The following ARMC3 variants were observed in gnomAD, a reference collection of about 807,000 sequenced individuals.
ARMC3 encodes armadillo repeat containing 3.
A neutral mutation model predicts 90.3 loss-of-function variants in ARMC3; 74 were observed. The ratio of observed to expected loss-of-function variants is 0.82; its 90% CI spans 0.68 to 0.99. The LOEUF (loss-of-function observed/expected upper bound fraction) is 0.99. Among genes scored for constraint, ARMC3 ranks in the 50% least tolerant of loss-of-function variants. The pLI, the probability that ARMC3 is intolerant of heterozygous loss-of-function variation, is 0.00. For synonymous variants in ARMC3, 334 were observed against 361.8 expected (o/e 0.92, Z 0.87); for missense variants, 958 against 1,042.8 (o/e 0.92, Z 1.12).
chr10:22,942,025 T>A (rs1834345085), intron 2 of ARMC3, among the ~76,000 whole-genome samples: 2 of 152,182 alleles, frequency 1.3e-5, no homozygotes, highest in Admixed American at 1.3e-4. Flanking sequence ...TGGTTTGGGT[T>A]TGAGAAGATT....
At chr10:22,935,933 C>T (rs1171136) in intron 2 of ARMC3, among the ~76,000 whole-genome samples, 60,980 of 151,994 alleles carry the variant, frequency 0.4, 15,938 homozygotes, top group African/African-American at 0.74. Context: ...TCTTTTCCTA[C>T]ACAATTAGCA....
intron 2 of ARMC3, among the ~76,000 whole-genome samples, chr10:22,932,952 G>A (rs139201566): frequency 2.6e-5 from 4 of 152,304 alleles, no homozygotes; most frequent in South Asian, 4.1e-4. Flanking sequence ...ACTCGTTCCC[G>A]TTGTTGTATG....
intron 16 of ARMC3, among the ~76,000 whole-genome samples, chr10:23,019,147 A>G (rs1838406512): frequency 6.6e-6 from 1 of 152,214 alleles, no homozygotes. Context: ...TAACGAAACG[A>G]TGATTGTCTC....
At position 23,037,401 on chromosome 10, in the gene ARMC3, C is replaced by T. The variant is rs768136961; in HGVS notation, c.2541C>T (p.Tyr847=). ...VIGGLPAPEM[Y]VIDLMFHPGG... ...GGGGCCTCCCCGCTCCTGAGATGTA[C>T]GTGATTGACCTCATGTTCCATCCAG... Residue 847 remains tyrosine (Y), a synonymous_variant, in exon 19 of 19, where the codon TAC becomes TAT. Coordinates refer to ENST00000298032, the MANE Select transcript of ARMC3 (RefSeq NM_173081.5). The T allele has an allele frequency of 1.9e-5, 30 of 1,613,868 alleles. No individual in the cohort carries two copies. Among genetic ancestry groups the T allele is most frequent in the African/African-American group, 4.0e-5 (3 of 74,900 alleles).
chr10:22,964,063 C>T (rs903913693), intron 7 of ARMC3, among the ~76,000 whole-genome samples: 1 of 151,184 alleles, frequency 6.6e-6, no homozygotes, highest in African/African-American at 2.4e-5. Context: ...ATAAATAGAT[C>T]TATCGAGGTC....
chr10:22,960,877 C>T (rs1435819440), intron 6 of ARMC3: 1 of 152,474 alleles, frequency 6.6e-6, no homozygotes, highest in Non-Finnish European at 1.5e-5. Context: ...CCATTGGTGG[C>T]ATCCCTTGGC....
At position 22,955,952 on chromosome 10, in the gene ARMC3, A is replaced by C; in HGVS notation, c.292+20A>C. On this transcript the variant is annotated intron_variant, in intron 4 of 18. Coordinates refer to ENST00000298032, the MANE Select transcript of ARMC3 (RefSeq NM_173081.5). ...CTAATAGTAAGTATCAACTTTTAAA[A>C]ATAATCAAATAATCCCATGTTAATG... The C allele has an allele frequency of 6.5e-7, 1 of 1,546,136 alleles. No homozygotes were observed. Among genetic ancestry groups the C allele is most frequent in the Non-Finnish European group, 8.9e-7 (1 of 1,126,976 alleles).
chr10:22,971,958 T>C (rs1274032041), intron 8 of ARMC3, among the ~76,000 whole-genome samples: 1 of 152,242 alleles, frequency 6.6e-6, no homozygotes, highest in African/African-American at 2.4e-5. Context: ...ACTTCAAGCA[T>C]CTTTATCGTG....
chr10:23,019,300 C>T (rs56311162), intron 16 of ARMC3, among the ~76,000 whole-genome samples: 22,402 of 152,164 alleles, frequency 0.15, 1,796 homozygotes, highest in African/African-American at 0.17. Context: ...GACATTCCAT[C>T]TATGGTGTTA....
chr10:22,975,765 G>A (rs562753891), intron 8 of ARMC3, among the ~76,000 whole-genome samples: 10 of 152,214 alleles, frequency 6.6e-5, no homozygotes, highest in African/African-American at 2.4e-4. Flanking sequence ...GATCTCCAGA[G>A]TCATGATTTT....
At chr10:22,948,703 A>G (rs142752591) in intron 3 of ARMC3, among the ~76,000 whole-genome samples, 1 of 152,066 alleles carries the variant, frequency 6.6e-6, no homozygotes, top group South Asian at 2.1e-4. Context: ...CAGATTTTTG[A>G]CTTTAGAGAG....
At chr10:23,011,619 C>A (rs374025427) in intron 16 of ARMC3, among the ~76,000 whole-genome samples, 1 of 152,192 alleles carries the variant, frequency 6.6e-6, no homozygotes, top group East Asian at 1.9e-4. Context: ...TCTCTCTTCC[C>A]CTCTCTCTTA....
At chr10:23,018,099 C>T (rs958589296) in intron 16 of ARMC3, among the ~76,000 whole-genome samples, 2 of 152,194 alleles carry the variant, frequency 1.3e-5, no homozygotes, top group African/African-American at 4.8e-5. Flanking sequence ...TGACAAAATT[C>T]TACTGGTAAA....
At chr10:22,999,653 T>C (rs1837187411) in intron 11 of ARMC3, among the ~76,000 whole-genome samples, 1 of 152,180 alleles carries the variant, frequency 6.6e-6, no homozygotes, top group South Asian at 2.1e-4. Flanking sequence ...ATGAGGAAAA[T>C]GAGGCTTAAA....
At chr10:22,948,744 C>T (rs1235561010) in intron 3 of ARMC3, among the ~76,000 whole-genome samples, 1 of 151,872 alleles carries the variant, frequency 6.6e-6, no homozygotes, top group East Asian at 1.9e-4. Flanking sequence ...AAAAGGTAAC[C>T]TGGTGGATTC....
chr10:22,968,258 G>A, intron 7 of ARMC3, 48 bp from the exon 8 acceptor site: 1 of 1,545,534 alleles, frequency 6.5e-7, no homozygotes, highest in Admixed American at 1.7e-5. Flanking sequence ...TTTGGGAAGT[G>A]TACATTTTAG....
At chr10:23,019,784 A>G (rs1838433941) in intron 16 of ARMC3, among the ~76,000 whole-genome samples, 2 of 151,878 alleles carry the variant, frequency 1.3e-5, no homozygotes, top group African/African-American at 4.8e-5. Context: ...AGCTCAAGCA[A>G]TTCGCCTGCC....
intron 2 of ARMC3, among the ~76,000 whole-genome samples, chr10:22,933,729 C>CA (rs1310747081): frequency 6.6e-6 from 1 of 151,982 alleles, no homozygotes; most frequent in Non-Finnish European, 1.5e-5. Flanking sequence ...ACTAAAAATA[C>CA]AAAAAATTAG....
chr10:22,969,550 G>A (rs1291743565), intron 8 of ARMC3, among the ~76,000 whole-genome samples: 1 of 152,190 alleles, frequency 6.6e-6, no homozygotes, highest in Non-Finnish European at 1.5e-5. Flanking sequence ...AGTATGTAGT[G>A]TGCATAGAGG....
Sources: allele counts gnomAD v4.1 joint callset (sites outside exome capture counted in the v4.1 genomes callset), GRCh38; gene constraint gnomAD v4.1.1; transcripts MANE v1.5; gene names NCBI Gene and HGNC (gene_info 2026-07-23, HGNC 2026-07-21).